Variants in DACH2 observed in about 807,000 individuals in gnomAD.
The protein encoded by DACH2 is dachshund homolog 2.
A neutral mutation model predicts 35.8 loss-of-function variants in DACH2; 17 were observed. The ratio of observed to expected loss-of-function variants is 0.48; its 90% CI spans 0.33 to 0.71. The LOEUF is 0.71. Among genes scored for constraint, DACH2 ranks in the 30% least tolerant of loss-of-function variants. The probability of loss-of-function intolerance (pLI) is 0.02; values close to 1 mark genes in which losing one functional copy is unlikely to be tolerated. For synonymous variants in DACH2, 195 were observed against 177.3 expected (o/e 1.10, Z -0.79); for missense variants, 469 against 472.7 (o/e 0.99, Z 0.07).
chrX:86,619,691 A>G (rs937798387), intron 3 of DACH2, among the ~76,000 whole-genome samples: 1 of 111,890 alleles, frequency 8.9e-6, no homozygotes, highest in Non-Finnish European at 1.9e-5. Context: ...TTTCCCACGC[A>G]AACTGTGCAA....
intron 11 of DACH2, chrX:86,828,336 A>C (rs2042581306): frequency 8.9e-6 from 1 of 111,814 alleles, no homozygotes; most frequent in South Asian, 3.7e-4. Context: ...AGTGTTCTCT[A>C]AGAAAATATA....
chrX:86,276,340 A>C (rs1444772322), intron 1 of DACH2, among the ~76,000 whole-genome samples: 1 of 112,438 alleles, frequency 8.9e-6, no homozygotes, highest in Non-Finnish European at 1.9e-5. Context: ...TCTTTTGAGA[A>C]ATGGCTATTC....
intron 2 of DACH2, among the ~76,000 whole-genome samples, chrX:86,487,871 C>A (rs2038040746): frequency 9.0e-6 from 1 of 111,613 alleles, no homozygotes; most frequent in East Asian, 2.8e-4. Flanking sequence ...CTTTTCAGTA[C>A]AAATAATGTA....
At chrX:86,541,639 CAAT>C (rs1423160906) in intron 3 of DACH2, among the ~76,000 whole-genome samples, 1 of 110,943 alleles carries the variant, frequency 9.0e-6, no homozygotes, top group Non-Finnish European at 1.9e-5. Context: ...GCAAACAAGT[CAAT>C]AATATTTAAT....
chrX:86,242,053 G>A (rs1295630704), intron 1 of DACH2, among the ~76,000 whole-genome samples: 1 of 112,976 alleles, frequency 8.9e-6, no homozygotes, highest in Non-Finnish European at 1.9e-5. Flanking sequence ...AATGCAGAGG[G>A]GAAATGTGGG....
chrX:86,747,505 A>G (rs1200169555), intron 7 of DACH2, among the ~76,000 whole-genome samples: 1 of 111,997 alleles, frequency 8.9e-6, no homozygotes, highest in Non-Finnish European at 1.9e-5. Flanking sequence ...AGCAAGTCAC[A>G]CAAATTGATT....
At chrX:86,276,100 T>A (rs1424254484) in intron 1 of DACH2, among the ~76,000 whole-genome samples, 1 of 111,876 alleles carries the variant, frequency 8.9e-6, no homozygotes, top group Non-Finnish European at 1.9e-5. Context: ...GATCATATGA[T>A]ATCTTAAACT....
chrX:86,266,243 T>G (rs1220366083), intron 1 of DACH2, among the ~76,000 whole-genome samples: 1 of 111,415 alleles, frequency 9.0e-6, no homozygotes, highest in Non-Finnish European at 1.9e-5. Context: ...TCCCAGGTGA[T>G]GTCCATGCTG....
chrX:86,527,935 G>A lies in DACH2; in HGVS notation c.640+13544G>A, dbSNP rs191534028. 2.2e-3 allele frequency among the ~76,000 whole-genome samples: 241 copies of A among 111,835 alleles called. 1 individual carries two copies. The highest frequency in any genetic ancestry group is 3.7e-3 in the Non-Finnish European group (198 of 53,134). On this transcript the variant is annotated intron_variant, in intron 3 of 11. Transcript: ENST00000373125. The stretch of plus-strand genomic sequence containing the variant: ...ACATACTGTCTCCTGTCTAGAAGCG[G>A]ATTTTTGCATTAAAGTAAGTCATAC...
intron 2 of DACH2, among the ~76,000 whole-genome samples, chrX:86,502,475 G>T (rs751496915): frequency 8.9e-6 from 1 of 111,964 alleles, no homozygotes; most frequent in African/African-American, 3.2e-5. Context: ...TACAAAAAGA[G>T]AAACAATCAA....
At chrX:86,570,758 C>T (rs1474424877) in intron 3 of DACH2, among the ~76,000 whole-genome samples, 2 of 110,781 alleles carry the variant, frequency 1.8e-5, no homozygotes, top group Admixed American at 1.9e-4. Context: ...GTTTAAAATG[C>T]TCAAAAATCT....
chrX:86,399,822 T>G (rs1475949992), intron 2 of DACH2, among the ~76,000 whole-genome samples: 1 of 111,746 alleles, frequency 8.9e-6, no homozygotes, highest in Non-Finnish European at 1.9e-5. Context: ...CATTTTTTCC[T>G]TCATTTCAAC....
intron 1 of DACH2, among the ~76,000 whole-genome samples, chrX:86,221,909 T>C (rs909592977): frequency 1.8e-5 from 2 of 112,416 alleles, no homozygotes; most frequent in East Asian, 5.6e-4. Flanking sequence ...GGCTGCCTTC[T>C]TGCTGTATCC....
chrX:86,376,665 G>T, intron 1 of DACH2, among the ~76,000 whole-genome samples, 159 bp from the exon 2 acceptor site: 1 of 110,799 alleles, frequency 9.0e-6, no homozygotes. Context: ...GCTCTTCCCT[G>T]CTGGTGTTTC....
At chrX:86,262,535 G>A (rs1280225787) in intron 1 of DACH2, among the ~76,000 whole-genome samples, 1 of 111,137 alleles carries the variant, frequency 9.0e-6, no homozygotes, top group East Asian at 2.8e-4. Flanking sequence ...GAAATGTGAT[G>A]AGCAGATGAC....
chrX:86,342,920 A>G (rs1422202349), intron 1 of DACH2, among the ~76,000 whole-genome samples: 1 of 112,050 alleles, frequency 8.9e-6, no homozygotes. Flanking sequence ...GTCCACCGGC[A>G]AAAGGATTAG....
intron 3 of DACH2, among the ~76,000 whole-genome samples, chrX:86,571,427 C>T (rs758643832): frequency 1.8e-5 from 2 of 110,289 alleles, no homozygotes; most frequent in Non-Finnish European, 3.8e-5. Context: ...AGGTATATCT[C>T]CTAATGCTAT....
chrX:86,252,955 C>T (rs1207550676), intron 1 of DACH2, among the ~76,000 whole-genome samples: 3 of 110,623 alleles, frequency 2.7e-5, no homozygotes, highest in Non-Finnish European at 5.7e-5. Context: ...GCATCCAAAT[C>T]GGGAAAGAGA....
chrX:86,550,457 T>G (rs1297018323), intron 3 of DACH2, among the ~76,000 whole-genome samples: 1 of 110,976 alleles, frequency 9.0e-6, no homozygotes, highest in Non-Finnish European at 1.9e-5. Context: ...AATAAAGTAT[T>G]CTGTTGCATA....
Sources: allele counts gnomAD v4.1 joint callset (sites outside exome capture counted in the v4.1 genomes callset), GRCh38; gene constraint gnomAD v4.1.1; transcripts MANE v1.5; gene names NCBI Gene and HGNC (gene_info 2026-07-23, HGNC 2026-07-21).